CYYR1: variants seen among roughly 807,000 people sequenced by gnomAD.
CYYR1 encodes the protein cysteine and tyrosine rich 1.
Under a neutral mutation model 15.2 loss-of-function variants are expected in CYYR1, and 14 were observed. The ratio of observed to expected loss-of-function variants is 0.92; its 90% CI spans 0.61 to 1.44. CYYR1 has a LOEUF of 1.44. Among genes scored for constraint, CYYR1 ranks in the 40% most tolerant of loss-of-function variants. CYYR1 has a pLI of 0.00. For synonymous variants in CYYR1, 80 were observed against 77.4 expected, an observed-to-expected ratio of 1.03 and a Z score of -0.18; for missense variants, 228 against 209.5, an observed-to-expected ratio of 1.09 and a Z score of -0.54.
At chr21:26,516,887 G>A (rs1041484454) in intron 2 of CYYR1, among the ~76,000 whole-genome samples, 2 of 151,590 alleles carry the variant, frequency 1.3e-5, no homozygotes, top group African/African-American at 4.8e-5. Flanking sequence ...AGGCCGAGGC[G>A]GGCGGATCAC....
intron 2 of CYYR1, among the ~76,000 whole-genome samples, chr21:26,518,054 G>A (rs1569157494): frequency 6.6e-6 from 1 of 152,196 alleles, no homozygotes; most frequent in Non-Finnish European, 1.5e-5. Flanking sequence ...ACTGAACACA[G>A]CCATGTTGAA....
chr21:26,538,122 G>A (rs991086081), intron 2 of CYYR1, among the ~76,000 whole-genome samples: 17 of 152,174 alleles, frequency 1.1e-4, no homozygotes, highest in Non-Finnish European at 1.8e-4. Flanking sequence ...CATTACTGGC[G>A]CTCTGACTGC....
In CYYR1 at chr21:26,551,845, T is replaced by C. The variant is rs141179761; in HGVS notation, c.176+14421A>G. 20 of 218,470 alleles carry C rather than the reference T, an allele frequency of 9.2e-5. No individual in the cohort carries two copies. The East Asian group carries it at 3.0e-3, about 33-fold the overall frequency. 13.5% of individuals were successfully genotyped at this position (218,470 alleles called of 1,614,324 possible). A position where few individuals can be genotyped will look rare whatever the true frequency, so the allele number is the denominator to read the frequency against. ...AAAGCAGCAGTAGGGTTTAGAAGGA[T>C]TGACTCCAATTTTGAAAGAAGTTCT... On this transcript the variant is annotated intron_variant, in intron 2 of 3. Coordinates refer to ENST00000652641, the MANE Select transcript of CYYR1 (RefSeq NM_001320768.2).
intron 2 of CYYR1, among the ~76,000 whole-genome samples, chr21:26,515,908 C>G (rs966022411): frequency 6.6e-6 from 1 of 152,130 alleles, no homozygotes; most frequent in African/African-American, 2.4e-5. Context: ...CACACTAGCC[C>G]TCCCCACCTT....
chr21:26,566,206 T>C, intron 2 of CYYR1, 60 bp downstream of exon 2: 1 of 1,271,294 alleles, frequency 7.9e-7, no homozygotes, highest in Non-Finnish European at 1.1e-6. Flanking sequence ...TTAAAAGACA[T>C]AACTGGACAA....
At chr21:26,469,033 G>T (rs1241376127) in intron 3 of CYYR1, among the ~76,000 whole-genome samples, 1 of 152,158 alleles carries the variant, frequency 6.6e-6, no homozygotes, top group Non-Finnish European at 1.5e-5. Flanking sequence ...AATGTAGAAT[G>T]TATAACATGT....
At chr21:26,513,734 AGAT>A (rs957240763) in intron 2 of CYYR1, among the ~76,000 whole-genome samples, 2 of 152,102 alleles carry the variant, frequency 1.3e-5, no homozygotes, top group Non-Finnish European at 2.9e-5. Flanking sequence ...GGTCTTAGAA[AGAT>A]CAGGGCTCTA....
In CYYR1 at chr21:26,524,774, A is replaced by G. The variant is rs557219305; in HGVS notation, c.176+41492T>C. ...AATAAACTGCCATGAGCATTTTGTC[A>G]CTTTGCTCCACATATTTTGTTTTTT... On this transcript the variant is annotated intron_variant, in intron 2 of 3. Coordinates refer to ENST00000652641, the MANE Select transcript of CYYR1 (RefSeq NM_001320768.2). Among the ~76,000 whole-genome samples, 3 of 140,132 alleles carry G rather than the reference A, an allele frequency of 2.1e-5. No homozygotes were observed. The East Asian group carries it at 6.6e-4, about 31-fold the overall frequency. 91.9% of individuals were successfully genotyped at this position (140,132 alleles called of 152,430 possible). A position where few individuals can be genotyped will look rare whatever the true frequency, so the allele number is the denominator to read the frequency against.
chr21:26,521,972 T>G (rs1436120609), intron 2 of CYYR1, among the ~76,000 whole-genome samples: 2 of 152,232 alleles, frequency 1.3e-5, no homozygotes, highest in Non-Finnish European at 2.9e-5. Context: ...AAAAGTTGAC[T>G]CTGTCATCAC....
rs1327427772 is a variant in CYYR1 at position 26,480,273 on chromosome 21, A to G, written c.333T>C (p.Pro111=). 1 of 1,605,626 alleles carries G rather than the reference A, an allele frequency of 6.2e-7. No individual in the cohort carries two copies. ...TCGAGAGTCAACAGTTTTGCTCACC[A>G]GGATAGGAGGAGACGGTGTTGATGT... ...TTHINTVSSY[P]AGPPPYGHDH... is the part of the protein sequence containing the mutation. The change falls in exon 3 of 4, where the codon CCT becomes CCC. Residue 111 remains proline (P), a splice_region_variant and synonymous_variant. Transcript: ENST00000652641.
chr21:26,572,841 C>A (rs892145796), intron 1 of CYYR1, 27 bp downstream of exon 1: 21 of 1,612,162 alleles, frequency 1.3e-5, no homozygotes, highest in Non-Finnish European at 1.7e-5. Context: ...GAGCCTCTGA[C>A]CCTCTCCGCC....
chr21:26,541,294 A>G (rs1978534060), intron 2 of CYYR1, among the ~76,000 whole-genome samples: 1 of 152,170 alleles, frequency 6.6e-6, no homozygotes, highest in Admixed American at 6.5e-5. Flanking sequence ...AAATAGAGAA[A>G]AGACACCTTG....
intron 2 of CYYR1, among the ~76,000 whole-genome samples, chr21:26,503,883 C>T (rs575145166): frequency 7.2e-4 from 109 of 152,198 alleles, no homozygotes; most frequent in African/African-American, 2.1e-3. Flanking sequence ...TCATGGAAGA[C>T]GCTGTCGAGT....
chr21:26,484,578 GAAAATT>G (rs1345165693), intron 2 of CYYR1, among the ~76,000 whole-genome samples: 1 of 151,998 alleles, frequency 6.6e-6, no homozygotes, highest in African/African-American at 2.4e-5. Flanking sequence ...TTCGAAGTGA[GAAAATT>G]AAAAGTAATC....
intron 2 of CYYR1, among the ~76,000 whole-genome samples, chr21:26,487,414 T>C (rs1420254696): frequency 6.6e-6 from 1 of 152,126 alleles, no homozygotes; most frequent in East Asian, 1.9e-4. Flanking sequence ...ATCCTATTCC[T>C]ACTACAGCGC....
chr21:26,543,677 G>A (rs1055758267), intron 2 of CYYR1, among the ~76,000 whole-genome samples: 3 of 152,118 alleles, frequency 2.0e-5, no homozygotes, highest in African/African-American at 4.8e-5. Context: ...AGGCCGAGGC[G>A]GGTGGATCAC....
chr21:26,474,952 T>C (rs577444671), intron 3 of CYYR1, among the ~76,000 whole-genome samples: 1 of 152,242 alleles, frequency 6.6e-6, no homozygotes, highest in East Asian at 1.9e-4. Flanking sequence ...TTTGCACCTA[T>C]TGTCAATATT....
chr21:26,564,047 C>G (rs186934963), intron 2 of CYYR1, among the ~76,000 whole-genome samples: 1 of 152,026 alleles, frequency 6.6e-6, no homozygotes, highest in Non-Finnish European at 1.5e-5. Flanking sequence ...AGAATGTGCC[C>G]GGATGCTTGA....
chr21:26,538,585 A>C (rs1978340293), intron 2 of CYYR1, among the ~76,000 whole-genome samples: 1 of 151,686 alleles, frequency 6.6e-6, no homozygotes, highest in Admixed American at 6.6e-5. Context: ...TTTGCTCTCT[A>C]TCTCTATCTT....
Sources: gnomAD v4.1 joint callset for allele counts (sites outside exome capture counted in the v4.1 genomes callset) on GRCh38, gnomAD v4.1.1 for gene constraint, MANE v1.5 for transcripts, NCBI Gene and HGNC (gene_info 2026-07-23, HGNC 2026-07-21) for gene names.